Variants in FMO1 observed in about 807,000 individuals in gnomAD.
FMO1 encodes flavin-containing monooxygenase 1.
In FMO1, 36 loss-of-function variants were observed where a neutral mutation model predicts 45.4. That is an observed-to-expected ratio of 0.79 (90% CI 0.61 to 1.05). The LOEUF is 1.05. Among genes scored for constraint, FMO1 ranks in the 50% least tolerant of loss-of-function variants. FMO1 has a pLI of 0.00. For synonymous variants in FMO1, 228 were observed against 227.2 expected (o/e 1.00, Z -0.03); for missense variants, 615 against 640.3 (o/e 0.96, Z 0.43).
chr1:171,249,571 G>T (rs1470736197), intron 1 of FMO1, among the ~76,000 whole-genome samples: 3 of 149,710 alleles, frequency 2.0e-5, no homozygotes, highest in African/African-American at 5.1e-5. Context: ...CTGCCATCCA[G>T]CTGAATCTCT....
chr1:171,281,082 G>A, intron 6 of FMO1, 97 bp downstream of exon 6: 2 of 893,476 alleles, frequency 2.2e-6, no homozygotes, highest in Non-Finnish European at 3.6e-6. Flanking sequence ...CAACATGGCT[G>A]AATGTGTGGG....
At chr1:171,256,344 G>C (rs115336508) in intron 1 of FMO1, among the ~76,000 whole-genome samples, 1 of 151,810 alleles carries the variant, frequency 6.6e-6, no homozygotes, top group African/African-American at 2.4e-5. Flanking sequence ...GGCTCAAAAG[G>C]GGTAAGTCAT....
At chr1:171,254,592 A>G (rs28384837) in intron 1 of FMO1, among the ~76,000 whole-genome samples, 60 of 152,280 alleles carry the variant, frequency 3.9e-4, no homozygotes, top group African/African-American at 1.4e-3. Flanking sequence ...AGACTAATAG[A>G]CATGATCAGT....
chr1:171,285,332 G>A lies in FMO1; in HGVS notation c.1387G>A (p.Val463Ile), dbSNP rs150935235. Residue 463 changes from valine (V) to isoleucine (I), a missense_variant, in exon 9 of 9, where the codon GTC (valine) becomes ATC (isoleucine). Coordinates refer to ENST00000617670, the MANE Select transcript of FMO1 (RefSeq NM_001282693.2). ...LLTDPHLALT[V>I]FFGPCSPYQF... ...AACGGATCCACATCTGGCTCTGACC[G>A]TCTTCTTTGGCCCATGCTCACCATA... is the stretch of plus-strand genomic sequence containing the variant. The A allele has an allele frequency of 2.5e-3, 4,015 of 1,613,958 alleles. 18 individuals are homozygous for A. The highest frequency in any genetic ancestry group is 0.012 in the Middle Eastern group (73 of 6,060).
intron 2 of FMO1, 63 bp downstream of exon 2, chr1:171,258,282 T>C: frequency 1.3e-6 from 2 of 1,576,668 alleles, no homozygotes; most frequent in Non-Finnish European, 1.7e-6. Flanking sequence ...TGGGAAATTA[T>C]ATCTGTGCTT....
In FMO1 at chr1:171,264,182, T is replaced by C. The variant is rs116970815; in HGVS notation, c.133-3361T>C. 7.5e-4 allele frequency among the ~76,000 whole-genome samples: 114 copies of C among 152,206 alleles called. 1 individual carries two copies. The East Asian group carries it at 0.018, about 24-fold the overall frequency. On this transcript the variant is annotated intron_variant, in intron 2 of 8. Transcript: ENST00000617670. ...CCTACGTTTTGAGAAACAGAAGGGT[T>C]ATTTTTCCCTCTATTTTTGTTAGTT...
At chr1:171,274,908 T>G (rs2101830343) in intron 3 of FMO1, among the ~76,000 whole-genome samples, 1 of 152,360 alleles carries the variant, frequency 6.6e-6, no homozygotes, top group Non-Finnish European at 1.5e-5. Flanking sequence ...CAGCAACATA[T>G]TCTATAAAAC....
At chr1:171,263,023 G>C (rs1466030302) in intron 2 of FMO1, among the ~76,000 whole-genome samples, 2 of 152,194 alleles carry the variant, frequency 1.3e-5, no homozygotes, top group Admixed American at 1.3e-4. Context: ...TCTCTATTTA[G>C]GGGTGAATTT....
chr1:171,272,629 C>T (rs562384281), intron 3 of FMO1, among the ~76,000 whole-genome samples: 2 of 152,330 alleles, frequency 1.3e-5, no homozygotes, highest in South Asian at 4.1e-4. Context: ...GGATGTGAGA[C>T]ATGGAGTCAA....
At chr1:171,278,987 C>T (rs1005683409) in intron 5 of FMO1, 116 bp downstream of exon 5, 1 of 769,730 alleles carries the variant, frequency 1.3e-6, no homozygotes, top group African/African-American at 1.8e-5. Flanking sequence ...ATGCAAACAA[C>T]AGATTACTAA....
chr1:171,285,180 C>T (rs745925714), intron 8 of FMO1, 22 bp from the exon 9 acceptor site: 8 of 1,481,488 alleles, frequency 5.4e-6, no homozygotes, highest in Middle Eastern at 1.8e-4. Context: ...TCACCTTTTC[C>T]CCCAATCTTC....
intron 2 of FMO1, 46 bp downstream of exon 2, chr1:171,258,265 T>A (rs1379806000): frequency 6.3e-7 from 1 of 1,598,020 alleles, no homozygotes; most frequent in Non-Finnish European, 8.6e-7. Context: ...GAGAATGGCT[T>A]GGCAGCTGGG....
intron 8 of FMO1, 99 bp downstream of exon 8, chr1:171,283,315 A>C: frequency 1.6e-6 from 1 of 614,982 alleles, no homozygotes; most frequent in Non-Finnish European, 2.7e-6. Flanking sequence ...AAAAAGAAAA[A>C]AAAACAATAG....
intron 2 of FMO1, among the ~76,000 whole-genome samples, chr1:171,262,108 T>C (rs912068036): frequency 2.0e-5 from 3 of 152,154 alleles, no homozygotes. Context: ...CAGAGAATTT[T>C]AGTATAGGAA....
intron 3 of FMO1, among the ~76,000 whole-genome samples, chr1:171,273,924 G>A (rs932976372): frequency 6.6e-6 from 1 of 152,090 alleles, no homozygotes. Context: ...CCAGCACTTT[G>A]GGGGGCCAAG....
intron 1 of FMO1, among the ~76,000 whole-genome samples, chr1:171,250,756 TC>T (rs1425557890): frequency 1.3e-5 from 2 of 152,218 alleles, no homozygotes; most frequent in African/African-American, 4.8e-5. Context: ...GCATCTACCT[TC>T]CTAATTTAGT....
chr1:171,275,467 G>A lies in FMO1; in HGVS notation c.443G>A (p.Gly148Asp). The stretch of plus-strand genomic sequence containing the variant: ...TTTGATGCTGTCATGGTCTGCACTG[G>A]CTTTCTTACTAATCCTTATTTGCCA... ...AIFDAVMVCTGFLTNPYLPLD... is the reference protein window; with the variant it reads ...AIFDAVMVCTDFLTNPYLPLD... The change falls in exon 4 of 9, where the codon GGC (glycine) becomes GAC (aspartate). Residue 148 changes from glycine to aspartate, a missense_variant. Physicochemically the swap from Gly to Asp is moderately conservative, Grantham distance 94. Transcript: ENST00000617670. 6 of 1,612,448 alleles carry A rather than the reference G, an allele frequency of 3.7e-6. No individual in the cohort carries two copies. Among genetic ancestry groups the A allele is most frequent in the Non-Finnish European group, 5.1e-6 (6 of 1,179,114 alleles).
chr1:171,277,239 A>C (rs1661147360), intron 4 of FMO1, among the ~76,000 whole-genome samples: 1 of 152,160 alleles, frequency 6.6e-6, no homozygotes, highest in East Asian at 1.9e-4. Flanking sequence ...GTTAACTGTC[A>C]AATAAAATTC....
chr1:171,269,376 G>A (rs765104374), intron 3 of FMO1, among the ~76,000 whole-genome samples: 1 of 152,142 alleles, frequency 6.6e-6, no homozygotes, highest in East Asian at 1.9e-4. Flanking sequence ...TAAAGTCCAG[G>A]CTGAGATGGT....
Sources: allele counts gnomAD v4.1 joint callset (sites outside exome capture counted in the v4.1 genomes callset), GRCh38; gene constraint gnomAD v4.1.1; transcripts MANE v1.5; gene names NCBI Gene and HGNC (gene_info 2026-07-23, HGNC 2026-07-21).